The following CHD3 variants were observed in gnomAD, a reference collection of about 807,000 sequenced individuals.
The protein encoded by CHD3 is chromodomain helicase DNA binding protein 3, also known as ATP-dependent chromatin remodeler CHD3.
CHD3 carries 52 observed loss-of-function variants against 248.9 expected under a neutral mutation model. That is an observed-to-expected ratio of 0.21 (90% confidence interval 0.17 to 0.26). CHD3 has a LOEUF of 0.26. Ranked by LOEUF, CHD3 falls within the 10% of genes least tolerant of loss-of-function variation. The probability of loss-of-function intolerance (pLI) is 1.00; values close to 1 mark genes in which losing one functional copy is unlikely to be tolerated. For synonymous variants in CHD3, 985 were observed against 985.2 expected (o/e 1.00, Z 0.00); for missense variants, 1,482 against 2,605.8 (o/e 0.57, Z 9.39).
At chr17:7,894,028 G>A (rs568976535) in intron 6 of CHD3, 87 bp from the exon 7 acceptor site, 748 of 1,590,808 alleles carry the variant, frequency 4.7e-4, no homozygotes, top group South Asian at 2.4e-3. Context: ...ACAGGGATCC[G>A]TGAGGGATGG....
Position 7,903,612 on chromosome 17 carries a change from A to C in CHD3, c.3727+109A>C. On this transcript the variant is annotated intron_variant, in intron 23 of 39. Transcript: ENST00000330494. This position sits in a 1 kb window ranked among gnomAD's most constrained non-coding sequence, Gnocchi z 6.8. ...ACTCTTCTCTGCAGCCTTTGAAGGAAGGAGAGCCTTCTTTTAGTAGCCCTT... is the reference window on the plus strand; with the variant it reads ...ACTCTTCTCTGCAGCCTTTGAAGGACGGAGAGCCTTCTTTTAGTAGCCCTT... 9.3e-7 allele frequency: 1 copy of C among 1,076,794 alleles called. No homozygotes were observed. Among genetic ancestry groups the C allele is most frequent in the Non-Finnish European group, 1.3e-6 (1 of 747,548 alleles). 66.7% of individuals were successfully genotyped at this position (1,076,794 alleles called of 1,614,324 possible).
Position 7,903,199 on chromosome 17 carries a change from T to C in CHD3, c.3496-73T>C, listed in dbSNP as rs1970520801. On this transcript the variant is annotated intron_variant, in intron 22 of 39. Transcript: ENST00000330494. The surrounding 1 kb of genome is among the most constrained non-coding windows in gnomAD (Gnocchi z 6.8). The stretch of plus-strand genomic sequence containing the variant: ...GCCCTTCTTCAGCAGCCTTCTTTCC[T>C]GAGGCAGCTCTATGGGCAGCTTCTC... 1.3e-6 allele frequency: 2 copies of C among 1,577,212 alleles called. No individual in the cohort carries two copies. The highest frequency in any genetic ancestry group is 1.7e-6 in the Non-Finnish European group (2 of 1,151,510).
chr17:7,894,416 C>T lies in CHD3; in HGVS notation c.1077C>T (p.Val359=). Residue 359 remains valine (V), a splice_region_variant and synonymous_variant, in exon 8 of 40, where the codon GTC becomes GTT. Coordinates refer to ENST00000330494, the MANE Select transcript of CHD3 (RefSeq NM_001005273.3). ...RGRPGRKKKK[V]LGCPAVAGEE... ...TCCCTCCACCGGGGTATATGACAGT[C>T]CTGGGCTGTCCTGCAGTGGCCGGGG... is the stretch of plus-strand genomic sequence containing the variant. The T allele has an allele frequency of 1.9e-6, 3 of 1,611,888 alleles. No individual in the cohort carries two copies. The highest frequency in any genetic ancestry group is 1.1e-5 in the South Asian group (1 of 90,724).
chr17:7,908,956 A>G lies in CHD3; in HGVS notation c.5394+127A>G. ...AGGTGATACCTGGGGCCAAGACCAA[A>G]GTGTAACCTTGTGCTTGGGAGTGTG... On this transcript the variant is annotated intron_variant, in intron 36 of 39. Coordinates refer to ENST00000330494, the MANE Select transcript of CHD3 (RefSeq NM_001005273.3). The surrounding 1 kb of genome is among the most constrained non-coding windows in gnomAD (Gnocchi z 5.8). 6 of 1,438,696 alleles carry G rather than the reference A, an allele frequency of 4.2e-6. No individual in the cohort carries two copies. Among genetic ancestry groups the G allele is most frequent in the Non-Finnish European group, 3.8e-6 (4 of 1,043,374 alleles). 89.1% of individuals were successfully genotyped at this position (1,438,696 alleles called of 1,614,324 possible).
rs2279620 is a variant in CHD3, at chr17:7,889,147, G to C, written c.100+47G>C. ...AATAGAGGCCTCCCTCTTGGCAAAA[G>C]GATGTCAGGGCCCCAGGGTGTTAGT... On this transcript the variant is annotated intron_variant, in intron 1 of 39. Coordinates refer to ENST00000330494, the MANE Select transcript of CHD3 (RefSeq NM_001005273.3). This position sits in a 1 kb window ranked among gnomAD's most constrained non-coding sequence, Gnocchi z 4.5. 197,278 of 1,612,436 alleles carry C rather than the reference G, an allele frequency of 0.12. 14,488 individuals are homozygous for C. The highest frequency in any genetic ancestry group is 0.31 in the East Asian group (14,059 of 44,856).
rs1567850180 is a variant in CHD3, at chr17:7,897,342, C to A, written c.1919+48C>A. 6.7e-7 allele frequency: 1 copy of A among 1,487,164 alleles called. No individual in the cohort carries two copies. Among genetic ancestry groups the A allele is most frequent in the Non-Finnish European group, 9.3e-7 (1 of 1,072,060 alleles). 92.1% of individuals were successfully genotyped at this position (1,487,164 alleles called of 1,614,324 possible). A position where few individuals can be genotyped will look rare whatever the true frequency, so the allele number is the denominator to read the frequency against. ...GTCAGACCTGGTATATGACATTATTCTTACCATGGTGATGGCCCCATGTTA... is the reference window on the plus strand; with the variant it reads ...GTCAGACCTGGTATATGACATTATTATTACCATGGTGATGGCCCCATGTTA... On this transcript the variant is annotated intron_variant, in intron 11 of 39. Coordinates refer to ENST00000330494, the MANE Select transcript of CHD3 (RefSeq NM_001005273.3). The surrounding 1 kb of genome is among the most constrained non-coding windows in gnomAD (Gnocchi z 4.8).
intron 4 of CHD3, among the ~76,000 whole-genome samples, chr17:7,891,524 T>C (rs938903073): frequency 1.3e-5 from 2 of 152,142 alleles, no homozygotes; most frequent in African/African-American, 2.4e-5. Context: ...GGACCTGAGC[T>C]TCAGTGGCTC....
In CHD3 at chr17:7,895,278, T is replaced by C. The variant is rs903014190; in HGVS notation, c.1504-61T>C. The C allele has an allele frequency of 1.3e-6, 2 of 1,596,850 alleles. No homozygotes were observed. Among genetic ancestry groups the C allele is most frequent in the African/African-American group, 2.7e-5 (2 of 74,578 alleles). On this transcript the variant is annotated intron_variant, in intron 9 of 39. Transcript: ENST00000330494. This position sits in a 1 kb window ranked among gnomAD's most constrained non-coding sequence, Gnocchi z 4.9. ...CCCTTGTGGGACCCCTATCTTCTCATCTAACAATGGGTTCTTTCTGCCTCT... is the reference window on the plus strand; with the variant it reads ...CCCTTGTGGGACCCCTATCTTCTCACCTAACAATGGGTTCTTTCTGCCTCT...
At chr17:7,893,612 C>T (rs1969207737) in intron 5 of CHD3, 43 bp downstream of exon 5, 1 of 1,537,414 alleles carries the variant, frequency 6.5e-7, no homozygotes, top group Middle Eastern at 2.3e-4. Context: ...ACCTTCCAAA[C>T]TGCATGTCTT....
chr17:7,896,881 A>C (rs1969744839), intron 10 of CHD3, among the ~76,000 whole-genome samples: 1 of 151,114 alleles, frequency 6.6e-6, no homozygotes, highest in Non-Finnish European at 1.5e-5. Context: ...CTGGTCTTGA[A>C]CTCCTGACCT....
In CHD3 at chr17:7,899,832, G is replaced by A. The variant is rs1314714559; in HGVS notation, c.2545-64G>A. On this transcript the variant is annotated intron_variant, in intron 15 of 39. Coordinates refer to ENST00000330494, the MANE Select transcript of CHD3 (RefSeq NM_001005273.3). This position sits in a 1 kb window ranked among gnomAD's most constrained non-coding sequence, Gnocchi z 6.8. The stretch of plus-strand genomic sequence containing the variant: ...AGCCACAGTCAGGACAAGGTGTCTG[G>A]TTCTGGAGGTGTAGGTGCATGGTTG... The A allele has an allele frequency of 1.3e-6, 2 of 1,583,554 alleles. No individual in the cohort carries two copies. The highest frequency in any genetic ancestry group is 1.7e-6 in the Non-Finnish European group (2 of 1,159,798).
chr17:7,899,821 C>A lies in CHD3; in HGVS notation c.2545-75C>A. On this transcript the variant is annotated intron_variant, in intron 15 of 39. Coordinates refer to ENST00000330494, the MANE Select transcript of CHD3 (RefSeq NM_001005273.3). This position sits in a 1 kb window ranked among gnomAD's most constrained non-coding sequence, Gnocchi z 6.8. ...CTCCTGTTGGGAGCCACAGTCAGGA[C>A]AAGGTGTCTGGTTCTGGAGGTGTAG... 5 of 1,557,052 alleles carry A rather than the reference C, an allele frequency of 3.2e-6. No homozygotes were observed. The highest frequency in any genetic ancestry group is 4.4e-6 in the Non-Finnish European group (5 of 1,140,150).
chr17:7,906,378 G>C lies in CHD3; in HGVS notation c.4359-175G>C, dbSNP rs1970954452. On this transcript the variant is annotated intron_variant, in intron 28 of 39. Transcript: ENST00000330494. The surrounding 1 kb of genome is among the most constrained non-coding windows in gnomAD (Gnocchi z 5.0). ...AAGACCCAGGGGTGGGGCGCAGGGG[G>C]ACAGTTAGGACTTGGAGGGCTGGTA... The C allele has an allele frequency of 1.4e-6, 1 of 702,978 alleles. No individual in the cohort carries two copies. The highest frequency in any genetic ancestry group is 2.5e-5 in the East Asian group (1 of 39,666). 43.5% of individuals were successfully genotyped at this position (702,978 alleles called of 1,614,324 possible).
Position 7,900,793 on chromosome 17 carries a change from C to T in CHD3, c.2979-59C>T, listed in dbSNP as rs1188412237. On this transcript the variant is annotated intron_variant, in intron 18 of 39. Transcript: ENST00000330494. The surrounding 1 kb of genome is among the most constrained non-coding windows in gnomAD (Gnocchi z 6.5). ...GGGATTGATGGGAGCGTTCCAAGTG[C>T]AATATCATAATTGCTTCCTTTATTT... is the stretch of plus-strand genomic sequence containing the variant. The T allele has an allele frequency of 1.2e-6, 2 of 1,610,228 alleles. No individual in the cohort carries two copies. Among genetic ancestry groups the T allele is most frequent in the Non-Finnish European group, 1.7e-6 (2 of 1,177,168 alleles).
chr17:7,885,023 T>C (rs1382132015), upstream of CHD3: 32 of 1,192,640 alleles, frequency 2.7e-5, no homozygotes, highest in Non-Finnish European at 3.2e-5. Flanking sequence ...CTGCCACCTC[T>C]TCCCGCCGCC....
intron 7 of CHD3, 38 bp from the exon 8 acceptor site, chr17:7,894,377 G>A: frequency 1.3e-6 from 2 of 1,593,858 alleles, no homozygotes; most frequent in South Asian, 1.1e-5. Flanking sequence ...ATCTCCCCCT[G>A]CCCTGCTTCC....
intron 4 of CHD3, among the ~76,000 whole-genome samples, chr17:7,892,929 C>T (rs1969093523): frequency 1.3e-5 from 2 of 152,010 alleles, no homozygotes; most frequent in Non-Finnish European, 2.9e-5. Context: ...TGCTGCCACA[C>T]CCAGCTAATT....
chr17:7,907,645 G>T lies in CHD3; in HGVS notation c.4969G>T (p.Asp1657Tyr). 1 of 1,531,434 alleles carries T rather than the reference G, an allele frequency of 6.5e-7. No individual in the cohort carries two copies. Among genetic ancestry groups the T allele is most frequent in the Non-Finnish European group, 8.7e-7 (1 of 1,145,132 alleles). 94.9% of individuals were successfully genotyped at this position (1,531,434 alleles called of 1,614,324 possible). Residue 1657 changes from aspartate to tyrosine, a missense_variant, in exon 33 of 40, where the codon GAT becomes TAT. Asp to Tyr is a radical substitution (Grantham distance 160). Around this residue, in one of 20 missense-constraint regions of CHD3, gnomAD observed 254 missense variants for 266.7 expected, o/e 0.95. Transcript: ENST00000330494. The surrounding 1 kb of genome is among the most constrained non-coding windows in gnomAD (Gnocchi z 4.3). ...AGAAAGGGGGGAGGAGAAGCCGTTG[G>T]ATGGACAGGAACACAGGGAGAGGCC... ...PGERGEEKPL[D>Y]GQEHRERPEG...
chr17:7,908,349 G>A lies in CHD3; in HGVS notation c.5153-53G>A. 7.2e-7 allele frequency: 1 copy of A among 1,386,952 alleles called. No homozygotes were observed. The highest frequency in any genetic ancestry group is 1.0e-6 in the Non-Finnish European group (1 of 986,868). The allele number at this position is 1,386,952 out of a possible 1,614,324, so 85.9% of individuals were successfully genotyped here. Reference sequence around the variant, plus strand: ...TCCATCTCTACCTGTCTGTTGGACTGAGTGCAGTCTGCAAAACCCTGTTAC... The same window carrying A: ...TCCATCTCTACCTGTCTGTTGGACTAAGTGCAGTCTGCAAAACCCTGTTAC... On this transcript the variant is annotated intron_variant, in intron 34 of 39. Coordinates refer to ENST00000330494, the MANE Select transcript of CHD3 (RefSeq NM_001005273.3). The surrounding 1 kb of genome is among the most constrained non-coding windows in gnomAD (Gnocchi z 5.8).
Sources: allele counts gnomAD v4.1 joint callset (sites outside exome capture counted in the v4.1 genomes callset), GRCh38; gene constraint gnomAD v4.1.1; regional missense constraint gnomAD v4.1.1; non-coding constraint Gnocchi (gnomAD v3.1); transcripts MANE v1.5; gene names NCBI Gene and HGNC (gene_info 2026-07-23, HGNC 2026-07-21).